Variants in PDE8A observed in about 807,000 individuals in gnomAD.
PDE8A encodes high affinity cAMP-specific and IBMX-insensitive 3',5'-cyclic phosphodiesterase 8A.
In PDE8A, 59 loss-of-function variants were observed where a neutral mutation model predicts 105.0. That is an observed-to-expected ratio of 0.56 (90% CI 0.46 to 0.70). The LOEUF (loss-of-function observed/expected upper bound fraction) is 0.70. Among genes scored for constraint, PDE8A ranks in the 30% least tolerant of loss-of-function variants. The pLI, the probability that PDE8A is intolerant of heterozygous loss-of-function variation, is 0.00. For synonymous variants in PDE8A, 355 were observed against 371.9 expected, an observed-to-expected ratio of 0.95 and a Z score of 0.52; for missense variants, 1,014 against 1,045.9, an observed-to-expected ratio of 0.97 and a Z score of 0.42.
At chr15:85,077,291 A>G (rs930889723) in intron 5 of PDE8A, among the ~76,000 whole-genome samples, 1 of 152,152 alleles carries the variant, frequency 6.6e-6, no homozygotes, top group East Asian at 1.9e-4. Flanking sequence ...CTCCACTCCC[A>G]GCTTCAATCT....
intron 2 of PDE8A, 40 bp downstream of exon 2, chr15:85,064,466 T>G (rs1263948082): frequency 7.1e-7 from 1 of 1,403,644 alleles, no homozygotes. Flanking sequence ...ATGCTGATTT[T>G]CTTTAAAAAG....
Position 85,078,145 on chromosome 15 carries a change from CAAA to C in PDE8A, c.546+1371_546+1373del, listed in dbSNP as rs34715649. On this transcript the variant is annotated intron_variant, in intron 5 of 21. Coordinates refer to ENST00000394553, the MANE Select transcript of PDE8A (RefSeq NM_002605.3). ...AAGAGGACACATCCTAGTGAAACTG[CAAA>C]AAAAAAAAAAAAGAAAAGGACTTAA... Among the ~76,000 whole-genome samples, 8 of 120,038 alleles carry C rather than the reference CAAA, an allele frequency of 6.7e-5. No homozygotes were observed. The East Asian group carries it at 1.4e-3, about 21-fold the overall frequency. 78.7% of individuals were successfully genotyped at this position (120,038 alleles called of 152,430 possible).
chr15:85,089,175 A>G (rs1413388144), intron 6 of PDE8A, among the ~76,000 whole-genome samples, 163 bp from the exon 7 acceptor site: 1 of 152,174 alleles, frequency 6.6e-6, no homozygotes, highest in African/African-American at 2.4e-5. Flanking sequence ...TGGTGATTCC[A>G]GTGGAGGGGC....
intron 1 of PDE8A, among the ~76,000 whole-genome samples, chr15:85,002,080 C>T (rs1001504390): frequency 2.6e-5 from 4 of 152,022 alleles, no homozygotes; most frequent in African/African-American, 9.7e-5. Flanking sequence ...CTCCCACACA[C>T]GTAAAGCAGC....
intron 8 of PDE8A, among the ~76,000 whole-genome samples, chr15:85,096,123 C>T (rs1456415002): frequency 5.9e-5 from 9 of 152,062 alleles, no homozygotes; most frequent in Non-Finnish European, 1.3e-4. Flanking sequence ...GATCCACTCG[C>T]CTCAGCCTCC....
At chr15:85,080,673 G>C (rs1320283297) in intron 5 of PDE8A, among the ~76,000 whole-genome samples, 1 of 152,204 alleles carries the variant, frequency 6.6e-6, no homozygotes, top group Non-Finnish European at 1.5e-5. Context: ...GGACCAGAAA[G>C]AGCATCCTGG....
intron 1 of PDE8A, among the ~76,000 whole-genome samples, chr15:85,036,974 C>A: frequency 6.6e-6 from 1 of 152,204 alleles, no homozygotes; most frequent in Middle Eastern, 3.4e-3. Flanking sequence ...GCTTCTTCCC[C>A]AGTGGCAGGC....
chr15:85,058,890 T>C (rs1415202699), intron 1 of PDE8A, among the ~76,000 whole-genome samples: 1 of 152,168 alleles, frequency 6.6e-6, no homozygotes, highest in African/African-American at 2.4e-5. Context: ...TATTCTCTAT[T>C]GTATTAATCT....
intron 1 of PDE8A, among the ~76,000 whole-genome samples, chr15:85,039,679 T>C (rs1309555539): frequency 6.6e-6 from 1 of 152,202 alleles, no homozygotes; most frequent in Non-Finnish European, 1.5e-5. Context: ...TGCAGTTTTA[T>C]TCACAACAGC....
chr15:85,128,438 A>C (rs1281557005), intron 20 of PDE8A, among the ~76,000 whole-genome samples: 1 of 152,188 alleles, frequency 6.6e-6, no homozygotes, highest in Non-Finnish European at 1.5e-5. Flanking sequence ...TTGAGGCTGC[A>C]GTGAGCCATG....
intron 1 of PDE8A, among the ~76,000 whole-genome samples, chr15:85,021,245 T>G (rs1192946498): frequency 6.6e-5 from 10 of 152,172 alleles, no homozygotes; most frequent in Admixed American, 6.6e-4. Flanking sequence ...TAAATTTCTG[T>G]TTATAAATTG....
At chr15:85,031,316 TGTA>T (rs915910621) in intron 1 of PDE8A, among the ~76,000 whole-genome samples, 35 of 152,282 alleles carry the variant, frequency 2.3e-4, no homozygotes, top group Admixed American at 1.2e-3. Flanking sequence ...TAGCTTGTCT[TGTA>T]GTTTCTATAA....
chr15:85,011,984 A>G (rs551445670), intron 1 of PDE8A, among the ~76,000 whole-genome samples: 5 of 152,368 alleles, frequency 3.3e-5, no homozygotes, highest in Admixed American at 3.3e-4. Context: ...AATGCAAATC[A>G]AAACCACAAT....
intron 8 of PDE8A, among the ~76,000 whole-genome samples, chr15:85,093,389 G>T (rs1162819917): frequency 2.0e-5 from 3 of 152,208 alleles, no homozygotes; most frequent in Non-Finnish European, 4.4e-5. Context: ...CATCTCCGGG[G>T]AACAGGGCTT....
chr15:85,134,517 C>T (rs1210436101), intron 20 of PDE8A, among the ~76,000 whole-genome samples: 1 of 140,046 alleles, frequency 7.1e-6, no homozygotes, highest in Non-Finnish European at 1.5e-5. Flanking sequence ...TCACCACAGC[C>T]AGCGGATGCT....
chr15:85,065,840 GA>G (rs1186859187), intron 2 of PDE8A, among the ~76,000 whole-genome samples: 1 of 152,228 alleles, frequency 6.6e-6, no homozygotes, highest in Non-Finnish European at 1.5e-5. Flanking sequence ...GCTGGATAAG[GA>G]AGACGCTATG....
intron 9 of PDE8A, among the ~76,000 whole-genome samples, chr15:85,098,901 G>A (rs1387102189): frequency 2.0e-5 from 3 of 151,722 alleles, no homozygotes; most frequent in Non-Finnish European, 4.4e-5. Flanking sequence ...AGGCTGCAGT[G>A]AGCTATGATC....
intron 2 of PDE8A, among the ~76,000 whole-genome samples, chr15:85,066,202 T>C (rs1265548876): frequency 6.6e-6 from 1 of 152,216 alleles, no homozygotes. Flanking sequence ...TTAATTCTTT[T>C]AGTTTCAAGA....
chr15:85,043,681 TTTG>T (rs1555469685), intron 1 of PDE8A, among the ~76,000 whole-genome samples: 1 of 26,688 alleles, frequency 3.7e-5, no homozygotes, highest in Non-Finnish European at 8.0e-5. Flanking sequence ...TTAATGGTTT[TTTG>T]TTTGTTTGTT....
Sources: allele counts gnomAD v4.1 joint callset (sites outside exome capture counted in the v4.1 genomes callset), GRCh38; gene constraint gnomAD v4.1.1; transcripts MANE v1.5; gene names NCBI Gene and HGNC (gene_info 2026-07-23, HGNC 2026-07-21).